Variants in ATP2B1 observed in about 807,000 individuals in gnomAD.
ATP2B1 encodes the protein plasma membrane calcium-transporting ATPase 1.
In ATP2B1, 14 loss-of-function variants were observed where a neutral mutation model predicts 124.2. The ratio of observed to expected loss-of-function variants is 0.11; its 90% CI spans 0.07 to 0.18. The LOEUF is 0.18. Among genes scored for constraint, ATP2B1 ranks in the 10% least tolerant of loss-of-function variants. ATP2B1 has a pLI of 1.00. For synonymous variants in ATP2B1, 449 were observed against 492.4 expected (o/e 0.91, Z 1.17); for missense variants, 763 against 1,466.1 (o/e 0.52, Z 7.83).
At chr12:89,630,772 A>AATACATAAATAT (rs1881729474) in intron 5 of ATP2B1, 127 bp from the exon 6 acceptor site, 4 of 204,406 alleles carry the variant, frequency 2.0e-5, no homozygotes, top group Non-Finnish European at 2.8e-5. Flanking sequence ...TATAAATATA[A>AATACATAAATAT]ATATATAAAT....
At chr12:89,650,388 C>T (rs184031428) in intron 2 of ATP2B1, among the ~76,000 whole-genome samples, 15 of 152,260 alleles carry the variant, frequency 9.9e-5, no homozygotes, top group African/African-American at 1.9e-4. Context: ...ATGCCTACTA[C>T]GTCACTGTGC....
chr12:89,673,234 A>G (rs1888210628), intron 1 of ATP2B1, among the ~76,000 whole-genome samples: 1 of 152,214 alleles, frequency 6.6e-6, no homozygotes, highest in Admixed American at 6.5e-5. Flanking sequence ...AGCCTTGCAT[A>G]TTTGTGAACC....
chr12:89,653,481 T>TAG (rs1212940795), intron 2 of ATP2B1, among the ~76,000 whole-genome samples: 2 of 151,020 alleles, frequency 1.3e-5, no homozygotes, highest in African/African-American at 2.4e-5. Flanking sequence ...GTATTTTTAG[T>TAG]AGAGACGGGG....
In ATP2B1 at chr12:89,669,560, A is replaced by G. The variant is rs867872308; in HGVS notation, c.-221-13453T>C. Among the ~76,000 whole-genome samples, 8 of 152,242 alleles carry G rather than the reference A, an allele frequency of 5.3e-5. No individual in the cohort carries two copies. The South Asian group carries it at 1.0e-3, about 20-fold the overall frequency. On this transcript the variant is annotated intron_variant, in intron 1 of 20. Transcript: ENST00000428670. ...CAGCTTCCTCGTTTGTAGAATATGG[A>G]TATCACCTCCATCTCATAATTTCTG...
At chr12:89,631,655 C>A (rs538020623) in intron 5 of ATP2B1, among the ~76,000 whole-genome samples, 3 of 152,274 alleles carry the variant, frequency 2.0e-5, no homozygotes, top group East Asian at 1.9e-4. Context: ...CCCAATCTTA[C>A]AAACTTACTC....
At chr12:89,614,686 T>G (rs1485219059) in intron 12 of ATP2B1, among the ~76,000 whole-genome samples, 1 of 152,228 alleles carries the variant, frequency 6.6e-6, no homozygotes, top group Non-Finnish European at 1.5e-5. Flanking sequence ...AGTGATTTCT[T>G]CAGACTAGCC....
At chr12:89,689,836 T>TA (rs1250424777) in intron 1 of ATP2B1, among the ~76,000 whole-genome samples, 50 of 152,288 alleles carry the variant, frequency 3.3e-4, no homozygotes, top group African/African-American at 1.2e-3. Flanking sequence ...AAATATTTTC[T>TA]GAATATCAAA....
intron 1 of ATP2B1, among the ~76,000 whole-genome samples, chr12:89,696,175 G>A (rs549798148): frequency 1.3e-5 from 2 of 152,136 alleles, no homozygotes; most frequent in African/African-American, 4.8e-5. Flanking sequence ...ATGGAAATTT[G>A]GAAAAGTAAA....
At chr12:89,664,107 C>G (rs1273799764) in intron 1 of ATP2B1, among the ~76,000 whole-genome samples, 1 of 152,134 alleles carries the variant, frequency 6.6e-6, no homozygotes, top group Non-Finnish European at 1.5e-5. Context: ...CACAATGTAA[C>G]AGTCTGGCTC....
intron 9 of ATP2B1, 86 bp downstream of exon 9, chr12:89,624,097 G>T: frequency 8.5e-7 from 1 of 1,177,728 alleles, no homozygotes; most frequent in Non-Finnish European, 1.2e-6. Flanking sequence ...ACTTTCAGAA[G>T]CAGAAAAGGA....
At position 89,607,137 on chromosome 12, in the gene ATP2B1, T is replaced by C. The variant is rs572014479; in HGVS notation, c.2443-2791A>G. 2.0e-5 allele frequency among the ~76,000 whole-genome samples: 3 copies of C among 152,290 alleles called. No individual in the cohort carries two copies. The East Asian group carries it at 5.8e-4, about 29-fold the overall frequency. ...CATATGATATCGCATAGTGTGTCTC[T>C]AAACTTACATCATCAGAAGTAGGCT... On this transcript the variant is annotated intron_variant, in intron 15 of 20. Transcript: ENST00000428670.
intron 12 of ATP2B1, among the ~76,000 whole-genome samples, chr12:89,614,554 T>C (rs1878621320): frequency 1.3e-5 from 2 of 152,200 alleles, no homozygotes; most frequent in South Asian, 4.1e-4. Context: ...ACTGGTTCTC[T>C]AACTTGTACA....
intron 6 of ATP2B1, among the ~76,000 whole-genome samples, chr12:89,629,944 A>G (rs1881580196): frequency 6.6e-6 from 1 of 152,168 alleles, no homozygotes; most frequent in African/African-American, 2.4e-5. Context: ...AATGGTATGT[A>G]TGATTATCAA....
At chr12:89,641,926 T>C (rs1883587014) in intron 3 of ATP2B1, 2 of 506,374 alleles carry the variant, frequency 3.9e-6, no homozygotes, top group South Asian at 4.6e-5. Flanking sequence ...ATAGTAAGCA[T>C]ATATGGATAG....
At chr12:89,633,865 A>G (rs904077452) in intron 5 of ATP2B1, among the ~76,000 whole-genome samples, 6 of 152,160 alleles carry the variant, frequency 3.9e-5, no homozygotes, top group Non-Finnish European at 7.4e-5. Flanking sequence ...TATAAATTCA[A>G]TCTGACAAGT....
At chr12:89,670,966 A>G (rs1038761788) in intron 1 of ATP2B1, among the ~76,000 whole-genome samples, 3 of 140,370 alleles carry the variant, frequency 2.1e-5, no homozygotes, top group East Asian at 4.8e-4. Context: ...AAAAAAAAAA[A>G]GGGGTGGGGG....
At chr12:89,609,874 A>C (rs1363895346) in intron 15 of ATP2B1, 63 bp downstream of exon 15, 1 of 1,465,138 alleles carries the variant, frequency 6.8e-7, no homozygotes, top group African/African-American at 1.4e-5. Context: ...CAACAAACAA[A>C]CAAACAAACA....
chr12:89,701,686 A>G (rs1943155753), intron 1 of ATP2B1, among the ~76,000 whole-genome samples: 1 of 152,146 alleles, frequency 6.6e-6, no homozygotes, highest in East Asian at 1.9e-4. Flanking sequence ...GGACTTTTCC[A>G]CTTCTGAATT....
chr12:89,690,414 T>C (rs140248340), intron 1 of ATP2B1, among the ~76,000 whole-genome samples: 2 of 151,924 alleles, frequency 1.3e-5, no homozygotes, highest in Admixed American at 6.6e-5. Context: ...ATTTTAAGTA[T>C]AGGGACATCG....
Sources: allele counts gnomAD v4.1 joint callset (sites outside exome capture counted in the v4.1 genomes callset), GRCh38; gene constraint gnomAD v4.1.1; transcripts MANE v1.5; gene names NCBI Gene and HGNC (gene_info 2026-07-23, HGNC 2026-07-21).